The following TMEM132B variants were observed in gnomAD, a reference collection of about 807,000 sequenced individuals.
TMEM132B encodes the protein transmembrane protein 132B.
In TMEM132B, 18 loss-of-function variants were observed where a neutral mutation model predicts 90.8. The observed-to-expected ratio is 0.20, with a 90% CI of 0.14 to 0.29. The LOEUF is 0.29. Ranked by LOEUF, TMEM132B falls within the 10% of genes least tolerant of loss-of-function variation. The pLI is 1.00. For synonymous variants in TMEM132B, 504 were observed against 523.3 expected (o/e 0.96, Z 0.50); for missense variants, 1,096 against 1,326.8 (o/e 0.83, Z 2.70).
intron 4 of TMEM132B, among the ~76,000 whole-genome samples, chr12:125,563,598 C>CAAACAAACAAACA (rs774597550): frequency 7.3e-5 from 11 of 150,180 alleles, no homozygotes; most frequent in African/African-American, 2.7e-4. Context: ...AACAAACAAA[C>CAAACAAACAAACA]AAAAAAAAAC....
chr12:125,452,297 GA>G (rs1881174597), intron 3 of TMEM132B, among the ~76,000 whole-genome samples: 2 of 151,794 alleles, frequency 1.3e-5, no homozygotes, highest in Admixed American at 6.6e-5. Flanking sequence ...TGCCATTACT[GA>G]AAGCAAAAGT....
chr12:125,394,106 A>G (rs1879105517), intron 2 of TMEM132B, among the ~76,000 whole-genome samples: 1 of 152,216 alleles, frequency 6.6e-6, no homozygotes, highest in Non-Finnish European at 1.5e-5. Context: ...CTGGAGCCAC[A>G]AGCCTAAAGA....
At chr12:125,187,880 C>T (rs1412750722) in intron 1 of TMEM132B, among the ~76,000 whole-genome samples, 1 of 151,246 alleles carries the variant, frequency 6.6e-6, no homozygotes, top group Non-Finnish European at 1.5e-5. Context: ...TTCTCCAAAC[C>T]TTTTAAAATC....
In TMEM132B at chr12:125,514,877, TCTC is replaced by T. The variant is rs368563205; in HGVS notation, c.1107-4544_1107-4542del. ...TGTCCCTCTCTGCTGCCCTGTGTCT[TCTC>T]CTCCTCCTCCTCCTCCTGGCTGGCA... On this transcript the variant is annotated intron_variant, in intron 3 of 8. Transcript: ENST00000682704. 5.9e-4 allele frequency among the ~76,000 whole-genome samples: 89 copies of T among 151,786 alleles called. 1 individual carries two copies. In the South Asian group the frequency reaches 7.1e-3, roughly 12 times the overall value.
At chr12:125,271,833 A>G (rs1010499715) in intron 1 of TMEM132B, among the ~76,000 whole-genome samples, 4 of 151,986 alleles carry the variant, frequency 2.6e-5, no homozygotes, top group Non-Finnish European at 5.9e-5. Context: ...TTCTCTGGCT[A>G]TTGTAAAAAA....
intron 5 of TMEM132B, among the ~76,000 whole-genome samples, chr12:125,631,470 T>A (rs566368544): frequency 6.6e-6 from 1 of 152,314 alleles, no homozygotes; most frequent in Non-Finnish European, 1.5e-5. Flanking sequence ...CTGCAGGCTT[T>A]GGATAAAATG....
chr12:125,232,559 A>G (rs1873851020), intron 1 of TMEM132B, among the ~76,000 whole-genome samples: 1 of 152,206 alleles, frequency 6.6e-6, no homozygotes, highest in Non-Finnish European at 1.5e-5. Context: ...TGAATTATAA[A>G]TTGGCATTAG....
At chr12:125,483,906 G>A (rs1404834912) in intron 3 of TMEM132B, among the ~76,000 whole-genome samples, 2 of 152,144 alleles carry the variant, frequency 1.3e-5, no homozygotes, top group Non-Finnish European at 2.9e-5. Context: ...GAGGTTGATC[G>A]GGTCCAATCA....
chr12:125,592,259 AG>A (rs200336630), intron 5 of TMEM132B, among the ~76,000 whole-genome samples: 2,302 of 152,324 alleles, frequency 0.015, 56 homozygotes, highest in African/African-American at 0.053. Flanking sequence ...TGTGGTTTTC[AG>A]AACCACAGAA....
intron 1 of TMEM132B, among the ~76,000 whole-genome samples, chr12:125,341,892 G>A (rs750013437): frequency 9.9e-5 from 15 of 152,088 alleles, no homozygotes; most frequent in Non-Finnish European, 1.8e-4. Context: ...TAAATTAGGG[G>A]TCCACTTCCC....
At chr12:125,557,802 G>A (rs751200411) in intron 4 of TMEM132B, among the ~76,000 whole-genome samples, 1 of 152,166 alleles carries the variant, frequency 6.6e-6, no homozygotes, top group Non-Finnish European at 1.5e-5. Context: ...CTGGCTGTCC[G>A]AGTGGCTAAT....
chr12:125,541,035 T>C (rs1469557585), intron 4 of TMEM132B, among the ~76,000 whole-genome samples: 1 of 152,222 alleles, frequency 6.6e-6, no homozygotes, highest in Non-Finnish European at 1.5e-5. Context: ...GGCCTTCTCT[T>C]CCTCCAGATG....
At position 125,560,546 on chromosome 12, in the gene TMEM132B, G is replaced by A. The variant is rs150151575; in HGVS notation, c.1294-23305G>A. 2.9e-4 allele frequency among the ~76,000 whole-genome samples: 44 copies of A among 152,230 alleles called. No individual in the cohort carries two copies. The East Asian group carries it at 6.6e-3, about 23-fold the overall frequency. Reference sequence around the variant, plus strand: ...ATCATTAAAAAGTCAGGAAAGGCCGGGCGCGGTGGCTCACGCCTGTAATCC... The same window carrying A: ...ATCATTAAAAAGTCAGGAAAGGCCGAGCGCGGTGGCTCACGCCTGTAATCC... On this transcript the variant is annotated intron_variant, in intron 4 of 8. Transcript: ENST00000682704.
chr12:125,397,241 G>C (rs1485931575), intron 2 of TMEM132B, among the ~76,000 whole-genome samples: 1 of 152,156 alleles, frequency 6.6e-6, no homozygotes, highest in East Asian at 1.9e-4. Context: ...GAAGTGCTGG[G>C]ATTAGAGAAG....
intron 1 of TMEM132B, among the ~76,000 whole-genome samples, chr12:125,345,185 C>T (rs1593096049): frequency 6.6e-6 from 1 of 152,316 alleles, no homozygotes; most frequent in Non-Finnish European, 1.5e-5. Context: ...GAACTTTCCA[C>T]ACCTGGCTCT....
At chr12:125,336,110 C>A (rs1185241400) in intron 1 of TMEM132B, among the ~76,000 whole-genome samples, 1 of 152,188 alleles carries the variant, frequency 6.6e-6, no homozygotes, top group African/African-American at 2.4e-5. Flanking sequence ...GCTCCATCAC[C>A]CCTCTTCCAA....
At chr12:125,249,393 C>T (rs1031834506) in intron 1 of TMEM132B, among the ~76,000 whole-genome samples, 4 of 152,176 alleles carry the variant, frequency 2.6e-5, no homozygotes. Flanking sequence ...AAGGAAAATT[C>T]TCACAAGGGC....
intron 2 of TMEM132B, among the ~76,000 whole-genome samples, chr12:125,391,828 A>G (rs926737227): frequency 2.6e-5 from 4 of 151,854 alleles, no homozygotes; most frequent in African/African-American, 7.3e-5. Context: ...GCACAGTGAC[A>G]TGATCTCAAC....
chr12:125,436,927 A>G (rs1880724292), intron 3 of TMEM132B, among the ~76,000 whole-genome samples: 2 of 152,146 alleles, frequency 1.3e-5, no homozygotes, highest in South Asian at 2.1e-4. Flanking sequence ...GCCACCTGCA[A>G]GTGTCCTCTC....
Sources: gnomAD v4.1 joint callset for allele counts (sites outside exome capture counted in the v4.1 genomes callset) on GRCh38, gnomAD v4.1.1 for gene constraint, MANE v1.5 for transcripts, NCBI Gene and HGNC (gene_info 2026-07-23, HGNC 2026-07-21) for gene names.